ATP6V0E1: variants seen among roughly 807,000 people sequenced by gnomAD.
ATP6V0E1 encodes ATPase H+ transporting V0 subunit e1.
Under a neutral mutation model 11.6 loss-of-function variants are expected in ATP6V0E1, and 4 were observed. That is an observed-to-expected ratio of 0.35 (90% CI 0.17 to 0.79). The LOEUF (loss-of-function observed/expected upper bound fraction) is 0.79. Among genes scored for constraint, ATP6V0E1 ranks in the 30% least tolerant of loss-of-function variants. The probability of loss-of-function intolerance (pLI) is 0.54; values close to 1 mark genes in which losing one functional copy is unlikely to be tolerated. For missense variants in ATP6V0E1, 105 were observed against 100.0 expected, an observed-to-expected ratio of 1.05 and a Z score of -0.21; for synonymous variants, 36 against 34.8, an observed-to-expected ratio of 1.04 and a Z score of -0.13.
intron 2 of ATP6V0E1, among the ~76,000 whole-genome samples, chr5:172,996,431 G>A (rs1466977282): frequency 6.6e-6 from 1 of 151,940 alleles, no homozygotes; most frequent in Non-Finnish European, 1.5e-5. Flanking sequence ...GCTTGGTGGC[G>A]CACACCTGTA....
At chr5:173,023,992 C>A (rs1756519978) in intron 3 of ATP6V0E1, among the ~76,000 whole-genome samples, 1 of 151,826 alleles carries the variant, frequency 6.6e-6, no homozygotes, top group Non-Finnish European at 1.5e-5. Flanking sequence ...GTCAGGAGAT[C>A]GAGACCATCA....
At chr5:173,012,573 A>G (rs1756344285) in intron 2 of ATP6V0E1, among the ~76,000 whole-genome samples, 1 of 151,550 alleles carries the variant, frequency 6.6e-6, no homozygotes, top group Non-Finnish European at 1.5e-5. Flanking sequence ...ACCAATACGC[A>G]GAAACCCCAT....
intron 3 of ATP6V0E1, among the ~76,000 whole-genome samples, chr5:173,027,935 C>T (rs1756587723): frequency 6.6e-6 from 1 of 152,112 alleles, no homozygotes; most frequent in Non-Finnish European, 1.5e-5. Context: ...CATTTCCTTC[C>T]ATGATAATGA....
chr5:173,023,010 G>A (rs948562715), intron 3 of ATP6V0E1, among the ~76,000 whole-genome samples: 1 of 151,726 alleles, frequency 6.6e-6, no homozygotes. Context: ...CAGGCACGCA[G>A]CACCACGTGT....
chr5:173,034,088 AC>A (rs1190606655), intron 3 of ATP6V0E1, among the ~76,000 whole-genome samples: 1 of 152,110 alleles, frequency 6.6e-6, no homozygotes, highest in Non-Finnish European at 1.5e-5. Flanking sequence ...AAAAATACAG[AC>A]TCTTGAAACT....
intron 2 of ATP6V0E1, among the ~76,000 whole-genome samples, chr5:173,016,633 C>T (rs1756403920): frequency 6.6e-6 from 1 of 152,136 alleles, no homozygotes; most frequent in Admixed American, 6.6e-5. Flanking sequence ...TTGTCTCAGT[C>T]TCTTACGAAA....
intron 3 of ATP6V0E1, among the ~76,000 whole-genome samples, chr5:173,025,504 CTTTTTTTTTTTTTTTT>C (rs60822937): frequency 9.2e-5 from 6 of 65,568 alleles, no homozygotes. Flanking sequence ...ATATAAAATA[CTTTTTTTTTTTTTTTT>C]TTTTTTTTTT....
intron 3 of ATP6V0E1, among the ~76,000 whole-genome samples, chr5:173,030,597 T>G (rs1395546389): frequency 1.3e-5 from 2 of 151,902 alleles, no homozygotes; most frequent in East Asian, 3.9e-4. Flanking sequence ...TGTGCCACCA[T>G]ACCCGGCTAA....
intron 3 of ATP6V0E1, among the ~76,000 whole-genome samples, chr5:173,023,434 G>A (rs1263598573): frequency 6.6e-6 from 1 of 152,240 alleles, no homozygotes; most frequent in African/African-American, 2.4e-5. Flanking sequence ...GACCTCAGGT[G>A]ATCCACCCGC....
intron 1 of ATP6V0E1, among the ~76,000 whole-genome samples, chr5:172,984,240 G>A (rs983410888): frequency 1.3e-5 from 2 of 152,204 alleles, no homozygotes; most frequent in African/African-American, 4.8e-5. Context: ...GTGTGGGGAG[G>A]TGCAGTCGGA....
chr5:172,998,482 G>T (rs182854316), intron 2 of ATP6V0E1, among the ~76,000 whole-genome samples: 1 of 151,890 alleles, frequency 6.6e-6, no homozygotes, highest in South Asian at 2.1e-4. Flanking sequence ...GTGATGGTAC[G>T]CACCTGTAGT....
At chr5:173,011,228 C>CTAGAGTG (rs1756320244) in intron 2 of ATP6V0E1, among the ~76,000 whole-genome samples, 1 of 140,898 alleles carries the variant, frequency 7.1e-6, no homozygotes, top group South Asian at 2.3e-4. Flanking sequence ...GTTGCCCAGG[C>CTAGAGTG]TAGAGTGCAG....
chr5:172,998,811 A>G (rs1330003339), intron 2 of ATP6V0E1, among the ~76,000 whole-genome samples: 1 of 152,090 alleles, frequency 6.6e-6, no homozygotes, highest in Non-Finnish European at 1.5e-5. Context: ...GATCTCTGCA[A>G]TGTGAGCAGT....
chr5:172,986,641 A>G (rs1193325584), intron 1 of ATP6V0E1: 1 of 422,382 alleles, frequency 2.4e-6, no homozygotes. Context: ...AAATGAAACA[A>G]GTCCAGTGTC....
At chr5:173,006,767 T>C (rs1459928987) in intron 2 of ATP6V0E1, among the ~76,000 whole-genome samples, 1 of 152,200 alleles carries the variant, frequency 6.6e-6, no homozygotes, top group Non-Finnish European at 1.5e-5. Context: ...ATGGTCACCT[T>C]CCTCTCTGAG....
At chr5:173,027,452 A>C (rs1395918999) in intron 3 of ATP6V0E1, among the ~76,000 whole-genome samples, 2 of 151,378 alleles carry the variant, frequency 1.3e-5, no homozygotes, top group African/African-American at 4.8e-5. Context: ...CAGTGAGCCG[A>C]GATCGTGCCA....
intron 2 of ATP6V0E1, among the ~76,000 whole-genome samples, chr5:173,001,859 C>T (rs545488439): frequency 1.3e-5 from 2 of 152,230 alleles, no homozygotes; most frequent in East Asian, 3.9e-4. Flanking sequence ...ACTGGGATTA[C>T]AGGCATGTGC....
chr5:173,011,114 A>G (rs946006872), intron 2 of ATP6V0E1, among the ~76,000 whole-genome samples: 1 of 151,280 alleles, frequency 6.6e-6, no homozygotes, highest in Non-Finnish European at 1.5e-5. Context: ...AGAGGTTGAC[A>G]TGGAACATGG....
chr5:172,987,308 G>C (rs1261096850), intron 1 of ATP6V0E1: 2 of 150,296 alleles, frequency 1.3e-5, no homozygotes, highest in African/African-American at 4.9e-5. Context: ...CTTTGAGATG[G>C]ACTCTCACTC....
Sources: allele counts gnomAD v4.1 joint callset (sites outside exome capture counted in the v4.1 genomes callset), GRCh38; gene constraint gnomAD v4.1.1; transcripts MANE v1.5; gene names NCBI Gene and HGNC (gene_info 2026-07-23, HGNC 2026-07-21).